Variants in NECAP1 observed in about 807,000 individuals in gnomAD.
The protein encoded by NECAP1 is NECAP endocytosis associated 1.
In NECAP1, 13 loss-of-function variants were observed where a neutral mutation model predicts 33.4. The observed-to-expected ratio is 0.39, with a 90% CI of 0.25 to 0.62. NECAP1 has a LOEUF of 0.62. Ranked by LOEUF, NECAP1 falls within the 20% of genes least tolerant of loss-of-function variation. NECAP1 has a pLI of 0.52. For synonymous variants in NECAP1, 109 were observed against 125.2 expected, an observed-to-expected ratio of 0.87 and a Z score of 0.86; for missense variants, 272 against 347.4, an observed-to-expected ratio of 0.78 and a Z score of 1.73.
chr12:8,089,625 T>G, intron 1 of NECAP1: 1 of 258,614 alleles, frequency 3.9e-6, no homozygotes, highest in Non-Finnish European at 7.5e-6. Context: ...CCTCCCAAAG[T>G]GCTGGGATTA....
chr12:8,082,772 TCTCACACACACACA>T (rs1197990175), intron 1 of NECAP1: 1 of 114,668 alleles, frequency 8.7e-6, no homozygotes, highest in South Asian at 1.7e-4. Context: ...TCTCTCTCTC[TCTCACACACACACA>T]CACACACACA....
At chr12:8,092,278 T>G in intron 4 of NECAP1, 1 of 262,104 alleles carries the variant, frequency 3.8e-6, no homozygotes, top group Non-Finnish European at 7.4e-6. Flanking sequence ...ACTGTCAGCT[T>G]CCTACCTCAA....
At chr12:8,090,136 A>C (rs1467515862) in intron 2 of NECAP1, 59 bp from the exon 3 acceptor site, 7 of 1,589,098 alleles carry the variant, frequency 4.4e-6, no homozygotes, top group Admixed American at 1.7e-5. Flanking sequence ...ACTACTTGTT[A>C]ATTGGGGTTC....
chr12:8,095,737 T>C (rs755165647), intron 7 of NECAP1, 34 bp downstream of exon 7: 3 of 1,549,852 alleles, frequency 1.9e-6, no homozygotes, highest in Non-Finnish European at 2.7e-6. Flanking sequence ...ATACTCTCAA[T>C]CAGGGTGTAG....
At chr12:8,095,828 C>G in intron 7 of NECAP1, 125 bp downstream of exon 7, 1 of 1,155,786 alleles carries the variant, frequency 8.7e-7, no homozygotes. Flanking sequence ...TGGAAGAGTT[C>G]TAGTGAAGGA....
chr12:8,090,283 G>A lies in NECAP1; in HGVS notation c.285G>A (p.Arg95=). The A allele has an allele frequency of 2.5e-6, 4 of 1,614,138 alleles. No individual in the cohort carries two copies. The South Asian group carries it at 4.4e-5, about 18-fold the overall frequency. Residue 95 remains arginine, a synonymous_variant, in exon 3 of 8, where the codon CGG becomes CGA. Transcript: ENST00000339754. ...VTDSSRYFVI[R]IQDGTGRSAF... ...ATTCTAGCCGCTACTTTGTAATCCGGATCCAGGATGGTACTGGTAAGAGAA... is the reference window on the plus strand; with the variant it reads ...ATTCTAGCCGCTACTTTGTAATCCGAATCCAGGATGGTACTGGTAAGAGAA...
chr12:8,085,114 G>T (rs1347496205), intron 1 of NECAP1, among the ~76,000 whole-genome samples: 1 of 151,800 alleles, frequency 6.6e-6, no homozygotes, highest in Non-Finnish European at 1.5e-5. Flanking sequence ...CCGCCTCCCC[G>T]GTTCAAGTGA....
At chr12:8,087,935 C>T (rs892924067) in intron 1 of NECAP1, among the ~76,000 whole-genome samples, 1 of 152,150 alleles carries the variant, frequency 6.6e-6, no homozygotes, top group African/African-American at 2.4e-5. Context: ...TTTTACCTCT[C>T]ATCTTGTTAA....
chr12:8,092,334 A>C (rs1325286010), intron 4 of NECAP1: 3 of 265,598 alleles, frequency 1.1e-5, no homozygotes, highest in Non-Finnish European at 2.2e-5. Flanking sequence ...CTCTGAAGTT[A>C]TAGAAAGCTA....
Position 8,082,314 on chromosome 12 carries a change from C to A in NECAP1, c.26C>A (p.Ser9Tyr). The A allele has an allele frequency of 6.2e-7, 1 of 1,612,876 alleles. No homozygotes were observed. The highest frequency in any genetic ancestry group is 8.5e-7 in the Non-Finnish European group (1 of 1,178,918). ...ATGGCGACCGAGTTGGAGTACGAGT[C>A]TGTGCTGTGTGTGAAGCCAGACGTC... MATELEYESVLCVKPDVSV... is the reference protein window; with the variant it reads MATELEYEYVLCVKPDVSV... The change falls in exon 1 of 8, where the codon TCT becomes TAT. Residue 9 changes from serine to tyrosine, a missense_variant. Physicochemically the swap from Ser to Tyr is moderately radical, Grantham distance 144 (BLOSUM62 -2). Coordinates refer to ENST00000339754, the MANE Select transcript of NECAP1 (RefSeq NM_015509.4).
In NECAP1 at chr12:8,096,765, C is replaced by T. The variant is rs764955438; in HGVS notation, c.*675C>T. The T allele has an allele frequency of 4.0e-5, 5 of 125,660 alleles. No individual in the cohort carries two copies. The highest frequency in any genetic ancestry group is 5.8e-5 in the African/African-American group (2 of 34,564). The allele number at this position is 125,660 out of a possible 1,614,324, so 7.8% of individuals were successfully genotyped here. A position where few individuals can be genotyped will look rare whatever the true frequency, so the allele number is the denominator to read the frequency against. The stretch of plus-strand genomic sequence containing the variant: ...TTGTGTTGGTGGCACCTCCACTACT[C>T]TTTTCTGTTTGTTGAGTTTGAATTG... On this transcript the variant is annotated 3_prime_UTR_variant, in exon 8 of 8. Coordinates refer to ENST00000339754, the MANE Select transcript of NECAP1 (RefSeq NM_015509.4).
intron 4 of NECAP1, chr12:8,092,268 A>G (rs752688423): frequency 3.7e-4 from 101 of 271,986 alleles, no homozygotes; most frequent in Non-Finnish European, 5.6e-4. Flanking sequence ...CACTGTGCAC[A>G]CTGTCAGCTT....
In NECAP1 at chr12:8,090,181, C is replaced by T. The variant is rs756316765; in HGVS notation, c.197-14C>T. 11 of 1,613,534 alleles carry T rather than the reference C, an allele frequency of 6.8e-6. No homozygotes were observed. The South Asian group carries it at 9.9e-5, about 14-fold the overall frequency. ...GCTTGCTTTACTCAAAAAAGTCTTT[C>T]TCTTATCTGTCAGGGGAGCTCTTTG... On this transcript the variant is annotated splice_polypyrimidine_tract_variant and intron_variant, in intron 2 of 7. Coordinates refer to ENST00000339754, the MANE Select transcript of NECAP1 (RefSeq NM_015509.4).
chr12:8,087,988 C>CT (rs772864880), intron 1 of NECAP1, among the ~76,000 whole-genome samples: 1 of 152,048 alleles, frequency 6.6e-6, no homozygotes, highest in Non-Finnish European at 1.5e-5. Flanking sequence ...CTTTTTTAGT[C>CT]TTTAAGTATT....
intron 1 of NECAP1, among the ~76,000 whole-genome samples, chr12:8,085,542 A>G (rs1432389192): frequency 1.3e-5 from 2 of 152,170 alleles, no homozygotes; most frequent in African/African-American, 2.4e-5. Context: ...AGTACAGCAC[A>G]TGAAGAGAGC....
chr12:8,084,681 T>C (rs367761588), intron 1 of NECAP1, among the ~76,000 whole-genome samples: 10 of 152,280 alleles, frequency 6.6e-5, no homozygotes, highest in African/African-American at 1.9e-4. Flanking sequence ...TTTATTCTTA[T>C]CTCTATTCCA....
chr12:8,095,808 TAG>T, intron 7 of NECAP1, 105 bp downstream of exon 7: 1 of 1,248,954 alleles, frequency 8.0e-7, no homozygotes, highest in Non-Finnish European at 1.2e-6. Context: ...GCAGGTCACA[TAG>T]AGTCTTTTGG....
At position 8,090,245 on chromosome 12, in the gene NECAP1, G is replaced by C. The variant is rs1667582127; in HGVS notation, c.247G>C (p.Glu83Gln). 2 of 1,614,070 alleles carry C rather than the reference G, an allele frequency of 1.2e-6. No homozygotes were observed. The highest frequency in any genetic ancestry group is 1.7e-6 in the Non-Finnish European group (2 of 1,180,040). ...AGAACAATATCCTGGTATTGCTGTG[G>C]AGACGGTGACAGATTCTAGCCGCTA... The part of the protein sequence containing the change: ...PVEQYPGIAV[E>Q]TVTDSSRYFV... Residue 83 changes from glutamate (E) to glutamine (Q), a missense_variant, in exon 3 of 8, where the codon GAG becomes CAG. Coordinates refer to ENST00000339754, the MANE Select transcript of NECAP1 (RefSeq NM_015509.4).
chr12:8,089,885 C>T (rs117159331), intron 1 of NECAP1, 51 bp from the exon 2 acceptor site: 33 of 1,321,876 alleles, frequency 2.5e-5, no homozygotes, highest in South Asian at 2.1e-4. Flanking sequence ...TGTGGGTGGG[C>T]GTTAGTAAAT....
Sources: allele counts gnomAD v4.1 joint callset (sites outside exome capture counted in the v4.1 genomes callset), GRCh38; gene constraint gnomAD v4.1.1; transcripts MANE v1.5; gene names NCBI Gene and HGNC (gene_info 2026-07-23, HGNC 2026-07-21).